Variants in FREM3 observed in about 807,000 individuals in gnomAD.
FREM3 encodes FRAS1 related extracellular matrix 3.
FREM3 carries 105 observed loss-of-function variants against 129.1 expected under a neutral mutation model. That is an observed-to-expected ratio of 0.81 (90% CI 0.69 to 0.96). The LOEUF is 0.96. FREM3 is among the 40% of genes least tolerant of loss of function. FREM3 has a pLI of 0.00. For synonymous variants in FREM3, 1,014 were observed against 1,044.9 expected, an observed-to-expected ratio of 0.97 and a Z score of 0.57; for missense variants, 2,593 against 2,666.3, an observed-to-expected ratio of 0.97 and a Z score of 0.61.
At chr4:143,598,395 G>A (rs1263872322) in intron 6 of FREM3, among the ~76,000 whole-genome samples, 2 of 152,192 alleles carry the variant, frequency 1.3e-5, no homozygotes, top group Non-Finnish European at 2.9e-5. Context: ...TGCAGCTGTG[G>A]CATATGCTAG....
rs1738227563 is a variant in FREM3, at chr4:143,585,644, T to C, written c.6178+200A>G. 6.6e-6 allele frequency among the ~76,000 whole-genome samples: 1 copy of C among 152,182 alleles called. No homozygotes were observed. Among genetic ancestry groups the C allele is most frequent in the South Asian group, 2.1e-4 (1 of 4,830 alleles). On this transcript the variant is annotated intron_variant, in intron 7 of 7. Transcript: ENST00000329798. The surrounding 1 kb of genome is among the most constrained non-coding windows in gnomAD (Gnocchi z 4.2). ...AAGCCAGTGGGTAATAAATGAATCA[T>C]AAAGGCTGCTGTTTGAATAATGTAC...
At chr4:143,647,345 G>A (rs188821834) in intron 2 of FREM3, among the ~76,000 whole-genome samples, 18 of 152,186 alleles carry the variant, frequency 1.2e-4, no homozygotes, top group Admixed American at 5.2e-4. Context: ...TCTGTTTTCT[G>A]GGGAGAAATT....
chr4:143,659,860 T>G (rs1282484731), intron 2 of FREM3, among the ~76,000 whole-genome samples: 1 of 151,900 alleles, frequency 6.6e-6, no homozygotes, highest in East Asian at 1.9e-4. Flanking sequence ...TCATGTGTTT[T>G]TTGGCTGCAT....
chr4:143,659,875 G>A (rs1231996145), intron 2 of FREM3, among the ~76,000 whole-genome samples: 1 of 151,858 alleles, frequency 6.6e-6, no homozygotes, highest in Non-Finnish European at 1.5e-5. Flanking sequence ...CTGCATAAAT[G>A]TCTTCTTTTG....
At chr4:143,595,693 C>T (rs1240638361) in intron 6 of FREM3, among the ~76,000 whole-genome samples, 1 of 152,028 alleles carries the variant, frequency 6.6e-6, no homozygotes, top group Non-Finnish European at 1.5e-5. Flanking sequence ...CAAGACCATC[C>T]TGGCTAACAC....
chr4:143,603,268 C>G (rs1738605014), intron 6 of FREM3, among the ~76,000 whole-genome samples: 1 of 152,140 alleles, frequency 6.6e-6, no homozygotes, highest in South Asian at 2.1e-4. Flanking sequence ...TGGAAGACAT[C>G]TAGGTGGTTT....
intron 2 of FREM3, among the ~76,000 whole-genome samples, chr4:143,659,393 T>A (rs1024002307): frequency 5.3e-5 from 8 of 152,188 alleles, no homozygotes; most frequent in African/African-American, 1.7e-4. Context: ...ATTTCCAATT[T>A]CATCCATGTC....
intron 5 of FREM3, among the ~76,000 whole-genome samples, chr4:143,614,889 C>T (rs1026776545): frequency 6.6e-6 from 1 of 152,208 alleles, no homozygotes; most frequent in Admixed American, 6.5e-5. Flanking sequence ...GGAGCAGTTA[C>T]TAGCTGGATC....
chr4:143,612,416 A>T (rs1283541191), intron 5 of FREM3, among the ~76,000 whole-genome samples: 1 of 152,164 alleles, frequency 6.6e-6, no homozygotes, highest in African/African-American at 2.4e-5. Context: ...TTTATTGCTG[A>T]CTATTGTTTC....
At chr4:143,645,584 C>A (rs978651651) in intron 2 of FREM3, among the ~76,000 whole-genome samples, 11 of 152,180 alleles carry the variant, frequency 7.2e-5, no homozygotes, top group African/African-American at 1.9e-4. Context: ...AACATAGAAA[C>A]CCTGCCTTAC....
At chr4:143,668,620 G>T (rs1739908375) in intron 2 of FREM3, among the ~76,000 whole-genome samples, 1 of 152,204 alleles carries the variant, frequency 6.6e-6, no homozygotes, top group Admixed American at 6.5e-5. Flanking sequence ...GCTAGGGCAT[G>T]GGCCTCTGAA....
At position 143,699,118 on chromosome 4, in the gene FREM3, G is replaced by T; in HGVS notation, c.1558C>A (p.Arg520=). The part of the protein sequence containing the change: ...SNTYSDNIIF[R]MEDGHHQVDF... ...ACTTGGTGGTGCCCGTCCTCCATCC[G>T]GAAGATGATATTGTCACTGTAGGTG... Residue 520 remains arginine (R), a synonymous_variant, in exon 1 of 8, where the codon CGG becomes AGG. Transcript: ENST00000329798. This position sits in a 1 kb window ranked among gnomAD's most constrained non-coding sequence, Gnocchi z 4.2. 6.5e-7 allele frequency: 1 copy of T among 1,537,462 alleles called. No homozygotes were observed. Among genetic ancestry groups the T allele is most frequent in the South Asian group, 1.2e-5 (1 of 84,058 alleles).
chr4:143,697,218 T>G lies in FREM3; in HGVS notation c.3458A>C (p.Gln1153Pro). The change falls in exon 1 of 8, where the codon CAG becomes CCG. Residue 1153 changes from glutamine (Q) to proline (P), a missense_variant. Around this residue, in one of 2 missense-constraint regions of FREM3, gnomAD observed 2,276 missense variants for 2,267.2 expected, o/e 1.00. Coordinates refer to ENST00000329798, the MANE Select transcript of FREM3 (RefSeq NM_001168235.2). ...DIQVRHINYV[Q>P]SIHKGVEPQE... ...TGGCTCTACTCCCTTGTGAATACTC[T>G]GTACATAATTGATATGCCTCACTTG... 6.5e-7 allele frequency: 1 copy of G among 1,537,786 alleles called. No homozygotes were observed. The highest frequency in any genetic ancestry group is 2.4e-5 in the East Asian group (1 of 40,916).
intron 6 of FREM3, among the ~76,000 whole-genome samples, chr4:143,596,018 G>A (rs187380523): frequency 3.8e-3 from 572 of 152,122 alleles, no homozygotes; most frequent in Non-Finnish European, 6.2e-3. Flanking sequence ...TCCAGGTAGA[G>A]TGGCTAGTAG....
chr4:143,695,010 C>A (rs1259803185), intron 1 of FREM3, among the ~76,000 whole-genome samples: 1 of 152,132 alleles, frequency 6.6e-6, no homozygotes, highest in Non-Finnish European at 1.5e-5. Flanking sequence ...TAGTTCTGTG[C>A]TTTTATTAGA....
intron 2 of FREM3, among the ~76,000 whole-genome samples, chr4:143,684,436 C>G (rs1393036347): frequency 1.3e-5 from 2 of 152,276 alleles, no homozygotes; most frequent in South Asian, 2.1e-4. Flanking sequence ...TCACAGAAGC[C>G]ACATCCATAG....
chr4:143,625,728 A>T (rs926185255), intron 3 of FREM3, among the ~76,000 whole-genome samples: 6 of 152,182 alleles, frequency 3.9e-5, no homozygotes, highest in African/African-American at 1.4e-4. Context: ...GGTGCTGAGG[A>T]TGTCACACAG....
Position 143,664,257 on chromosome 4 carries a change from G to A in FREM3, c.5275+28856C>T, listed in dbSNP as rs1332923061. On this transcript the variant is annotated intron_variant, in intron 2 of 7. Transcript: ENST00000329798. The stretch of plus-strand genomic sequence containing the variant: ...ATTGATGATGGTGATGCACAGATGA[G>A]TTTTTGGTGTGGATGTCCTTTCTGT... 3.9e-5 allele frequency among the ~76,000 whole-genome samples: 6 copies of A among 152,226 alleles called. 1 individual carries two copies. Among genetic ancestry groups the A allele is most frequent in the East Asian group, 1.9e-4 (1 of 5,184 alleles).
chr4:143,613,055 TA>T (rs1738788916), intron 5 of FREM3, among the ~76,000 whole-genome samples: 1 of 152,196 alleles, frequency 6.6e-6, no homozygotes, highest in South Asian at 2.1e-4. Flanking sequence ...TCTAAGTTGC[TA>T]AAAAATGATA....
Sources: allele counts gnomAD v4.1 joint callset (sites outside exome capture counted in the v4.1 genomes callset), GRCh38; gene constraint gnomAD v4.1.1; regional missense constraint gnomAD v4.1.1; non-coding constraint Gnocchi (gnomAD v3.1); transcripts MANE v1.5; gene names NCBI Gene and HGNC (gene_info 2026-07-23, HGNC 2026-07-21).